Variants in OTOA observed in about 807,000 individuals in gnomAD.
The protein encoded by OTOA is cancer/testis antigen 108.
In OTOA, 70 loss-of-function variants were observed where a neutral mutation model predicts 110.8. The observed-to-expected ratio is 0.63, with a 90% CI of 0.52 to 0.77. OTOA has a LOEUF of 0.77. Ranked by LOEUF, OTOA falls within the 30% of genes least tolerant of loss-of-function variation. The probability of loss-of-function intolerance (pLI) is 0.00; values close to 1 mark genes in which losing one functional copy is unlikely to be tolerated. For synonymous variants in OTOA, 373 were observed against 431.5 expected (o/e 0.86, Z 1.68); for missense variants, 917 against 1,075.8 (o/e 0.85, Z 2.06).
At chr16:21,736,485 C>A in intron 22 of OTOA, 95 bp downstream of exon 22, 2 of 1,376,402 alleles carry the variant, frequency 1.5e-6, no homozygotes, top group Non-Finnish European at 2.1e-6. Flanking sequence ...ATGCAGGGAA[C>A]TGGATGAAAT....
At chr16:21,711,402 G>C (rs1040287349) in intron 13 of OTOA, among the ~76,000 whole-genome samples, 3 of 152,118 alleles carry the variant, frequency 2.0e-5, no homozygotes, top group African/African-American at 7.2e-5. Flanking sequence ...GACAATTAAT[G>C]TCCCTGGGTT....
chr16:21,711,982 A>G (rs1167464380), intron 13 of OTOA, among the ~76,000 whole-genome samples: 4 of 152,230 alleles, frequency 2.6e-5, no homozygotes, highest in Admixed American at 2.6e-4. Flanking sequence ...CTGTGAATTT[A>G]GTTTTAACTG....
At chr16:21,699,553 C>T (rs1164217940) in intron 10 of OTOA, among the ~76,000 whole-genome samples, 3 of 152,092 alleles carry the variant, frequency 2.0e-5, no homozygotes, top group African/African-American at 7.2e-5. Flanking sequence ...GGGAGGATCA[C>T]TTGAGCCCAG....
chr16:21,728,182 A>G, intron 19 of OTOA, 59 bp from the exon 20 acceptor site: 1 of 1,604,696 alleles, frequency 6.2e-7, no homozygotes, highest in Non-Finnish European at 8.5e-7. Context: ...TGTGTTTCTA[A>G]TGGCTCACGA....
At chr16:21,674,578 C>A (rs1415622917) in intron 1 of OTOA, among the ~76,000 whole-genome samples, 2 of 152,048 alleles carry the variant, frequency 1.3e-5, no homozygotes, top group Non-Finnish European at 2.9e-5. Context: ...AGGTGATTCA[C>A]CCACCTCGGC....
At chr16:21,737,008 C>A (rs908191118) in intron 22 of OTOA, among the ~76,000 whole-genome samples, 2 of 152,296 alleles carry the variant, frequency 1.3e-5, no homozygotes, top group Admixed American at 6.5e-5. Flanking sequence ...GGCTACATTT[C>A]ACTCCTGAGT....
At chr16:21,697,415 C>G (rs957171307) in intron 9 of OTOA, among the ~76,000 whole-genome samples, 2 of 151,938 alleles carry the variant, frequency 1.3e-5, no homozygotes, top group Non-Finnish European at 2.9e-5. Context: ...GGCAGATCAC[C>G]TGAGGTCAGG....
chr16:21,760,678 T>C lies in OTOA; in HGVS notation c.*138T>C. 3.4e-6 allele frequency: 2 copies of C among 580,184 alleles called. No individual in the cohort carries two copies. The highest frequency in any genetic ancestry group is 6.1e-6 in the Non-Finnish European group (2 of 330,550). 35.9% of individuals were successfully genotyped at this position (580,184 alleles called of 1,614,324 possible). The stretch of plus-strand genomic sequence containing the variant: ...CAGGGAAACCCTGGGGCCTTGATGG[T>C]GAAAATGCACCCCAAATGAAAAATA... On this transcript the variant is annotated 3_prime_UTR_variant, in exon 29 of 29. Transcript: ENST00000646100.
intron 17 of OTOA, among the ~76,000 whole-genome samples, chr16:21,720,772 C>G (rs1898705049): frequency 6.6e-6 from 1 of 152,142 alleles, no homozygotes; most frequent in Admixed American, 6.5e-5. Flanking sequence ...TGAGGAAGAC[C>G]TACATGTTCG....
chr16:21,686,178 C>G lies in OTOA; in HGVS notation c.399+817C>G, dbSNP rs1000348962. On this transcript the variant is annotated intron_variant, in intron 7 of 28. Transcript: ENST00000646100. ...CCCTGGGACTGGAACCTGGGAATGC[C>G]TGACCCTAGTACCCATGGGGCTTAA... Among the ~76,000 whole-genome samples, 10 of 152,070 alleles carry G rather than the reference C, an allele frequency of 6.6e-5. 1 individual carries two copies. The highest frequency in any genetic ancestry group is 2.2e-4 in the African/African-American group (9 of 41,404).
chr16:21,674,687 C>T lies in OTOA; in HGVS notation c.-4-3824C>T, dbSNP rs973189093. Among the ~76,000 whole-genome samples the T allele has an allele frequency of 2.0e-5, 3 of 150,774 alleles. No homozygotes were observed. The East Asian group carries it at 5.8e-4, about 29-fold the overall frequency. ...GCCATCTGATAGGCCTATAATTATA[C>T]TGTGGTTTCAGTGGTCATTTTCCTA... On this transcript the variant is annotated intron_variant, in intron 1 of 28. Coordinates refer to ENST00000646100, the MANE Select transcript of OTOA (RefSeq NM_144672.4).
intron 1 of OTOA, among the ~76,000 whole-genome samples, chr16:21,674,033 G>A (rs1025141294): frequency 6.6e-6 from 1 of 152,024 alleles, no homozygotes; most frequent in Non-Finnish European, 1.5e-5. Context: ...TCCTGACCTC[G>A]TGATCCACCC....
intron 21 of OTOA, 78 bp downstream of exon 21, chr16:21,731,008 G>A (rs1322407146): frequency 1.2e-6 from 1 of 800,408 alleles, no homozygotes; most frequent in Admixed American, 2.0e-5. Context: ...ACAGCATTGG[G>A]TTTACTGCTG....
intron 6 of OTOA, among the ~76,000 whole-genome samples, chr16:21,682,200 C>A (rs1414368279): frequency 1.3e-5 from 2 of 152,212 alleles, no homozygotes; most frequent in Non-Finnish European, 2.9e-5. Context: ...TTCCTTTTAT[C>A]TTTTTGCTTT....
chr16:21,736,299 C>T lies in OTOA; in HGVS notation c.2340C>T (p.Ala780=). The part of the protein sequence containing the change: ...EILLQAASKM[A]RTLPTKEFLW... ...TTCTGCAAGCAGCTTCCAAGATGGC[C>T]AGGACCCTGCCCACTAAAGAATTCC... Residue 780 remains alanine (A), a synonymous_variant, in exon 22 of 29, where the codon GCC becomes GCT. Transcript: ENST00000646100. 1 of 1,614,064 alleles carries T rather than the reference C, an allele frequency of 6.2e-7. No homozygotes were observed. Among genetic ancestry groups the T allele is most frequent in the Non-Finnish European group, 8.5e-7 (1 of 1,179,930 alleles).
intron 13 of OTOA, among the ~76,000 whole-genome samples, chr16:21,714,389 CTCTT>C (rs1304411716): frequency 3.1e-4 from 24 of 76,580 alleles, no homozygotes; most frequent in Admixed American, 2.6e-4. Flanking sequence ...CTCTCTTTCT[CTCTT>C]TCTTTCTCTT....
rs543362200 is a variant in OTOA, at chr16:21,700,460, T to C, written c.841-428T>C. ...GACAATGAGGCCAGGCATGGTGGCT[T>C]ACGCCTGTAATCCCAGCACTTTGGG... On this transcript the variant is annotated intron_variant, in intron 10 of 28. Transcript: ENST00000646100. Among the ~76,000 whole-genome samples, 5 of 152,002 alleles carry C rather than the reference T, an allele frequency of 3.3e-5. No homozygotes were observed. In the South Asian group the frequency reaches 8.3e-4, roughly 25 times the overall value.
intron 18 of OTOA, 79 bp downstream of exon 18, chr16:21,723,057 C>G (rs1898808624): frequency 1.4e-6 from 2 of 1,475,052 alleles, no homozygotes; most frequent in Non-Finnish European, 1.9e-6. Flanking sequence ...GATTCTCTCC[C>G]CACTGGGTTT....
chr16:21,752,957 GCA>G, intron 26 of OTOA, 68 bp from the exon 27 acceptor site: 2 of 1,198,232 alleles, frequency 1.7e-6, no homozygotes, highest in Non-Finnish European at 2.5e-6. Flanking sequence ...ACATTATGCA[GCA>G]CCATTAATAA....
Sources: allele counts gnomAD v4.1 joint callset (sites outside exome capture counted in the v4.1 genomes callset), GRCh38; gene constraint gnomAD v4.1.1; transcripts MANE v1.5; gene names NCBI Gene and HGNC (gene_info 2026-07-23, HGNC 2026-07-21).